PLCB1: variants seen among roughly 807,000 people sequenced by gnomAD.
PLCB1 encodes the protein phospholipase C beta 1, also known as 1-phosphatidylinositol 4,5-bisphosphate phosphodiesterase beta-1.
Under a neutral mutation model 161.8 loss-of-function variants are expected in PLCB1, and 46 were observed. The observed-to-expected ratio is 0.28, with a 90% CI of 0.22 to 0.36. The LOEUF (loss-of-function observed/expected upper bound fraction) is 0.36, where lower values mean the gene tolerates loss of function less well. Among genes scored for constraint, PLCB1 ranks in the 10% least tolerant of loss-of-function variants. The probability of loss-of-function intolerance (pLI) is 1.00; values close to 1 mark genes in which losing one functional copy is unlikely to be tolerated. For missense variants in PLCB1, 1,016 were observed against 1,472.5 expected (o/e 0.69, Z 5.07); for synonymous variants, 517 against 503.7 (o/e 1.03, Z -0.35).
intron 3 of PLCB1, among the ~76,000 whole-genome samples, chr20:8,523,414 G>A (rs1279908913): frequency 6.9e-6 from 1 of 145,596 alleles, no homozygotes; most frequent in African/African-American, 2.6e-5. Flanking sequence ...GTGTGTGTGT[G>A]TGTGTGTGTG....
At chr20:8,806,599 CTG>C (rs1358127941) in intron 31 of PLCB1, among the ~76,000 whole-genome samples, 17 of 152,154 alleles carry the variant, frequency 1.1e-4, no homozygotes, top group African/African-American at 3.9e-4. Flanking sequence ...CCTCTTAAGT[CTG>C]TCTCTTGCCC....
chr20:8,430,896 A>T (rs1478886359), intron 3 of PLCB1, among the ~76,000 whole-genome samples: 1 of 151,954 alleles, frequency 6.6e-6, no homozygotes, highest in Non-Finnish European at 1.5e-5. Flanking sequence ...AGTAGGAGAC[A>T]GCAGTGAGCT....
intron 2 of PLCB1, among the ~76,000 whole-genome samples, chr20:8,230,031 C>T (rs1191695461): frequency 2.5e-5 from 3 of 121,814 alleles, no homozygotes; most frequent in Non-Finnish European, 3.3e-5. Context: ...ACTTCAGCCT[C>T]GGCAACAGAG....
intron 2 of PLCB1, among the ~76,000 whole-genome samples, chr20:8,203,840 C>A (rs532250393): frequency 2.6e-5 from 4 of 152,124 alleles, no homozygotes; most frequent in African/African-American, 9.6e-5. Flanking sequence ...TTGGTACAAC[C>A]CTGAAGCACA....
chr20:8,795,890 A>AAGAAG (rs75896529), intron 31 of PLCB1, among the ~76,000 whole-genome samples: 2 of 139,780 alleles, frequency 1.4e-5, no homozygotes, highest in Non-Finnish European at 3.0e-5. Context: ...AAAAAAAAAA[A>AAGAAG]AAAAGAAAAG....
chr20:8,238,517 AG>A (rs1316770471), intron 2 of PLCB1, among the ~76,000 whole-genome samples: 3 of 151,970 alleles, frequency 2.0e-5, no homozygotes, highest in Non-Finnish European at 4.4e-5. Flanking sequence ...CTATCATGCC[AG>A]ATGTCATATA....
At chr20:8,825,810 G>C (rs1352768107) in intron 31 of PLCB1, among the ~76,000 whole-genome samples, 1 of 152,224 alleles carries the variant, frequency 6.6e-6, no homozygotes, top group Admixed American at 6.5e-5. Context: ...GCAGGCAAGA[G>C]ACTCTGGCAG....
chr20:8,509,237 C>T (rs548928746), intron 3 of PLCB1, among the ~76,000 whole-genome samples: 2 of 152,256 alleles, frequency 1.3e-5, no homozygotes, highest in East Asian at 3.9e-4. Context: ...GAGTGACCCC[C>T]CACAAGTTCC....
chr20:8,610,237 C>T (rs1303393477), intron 3 of PLCB1, among the ~76,000 whole-genome samples: 2 of 152,154 alleles, frequency 1.3e-5, no homozygotes, highest in East Asian at 1.9e-4. Context: ...CAACCTAATA[C>T]CTGGTATGTA....
chr20:8,741,335 A>T, intron 22 of PLCB1, 129 bp from the exon 23 acceptor site: 1 of 623,884 alleles, frequency 1.6e-6, no homozygotes, highest in Non-Finnish European at 2.9e-6. Context: ...GGATGGATGG[A>T]TGGATGGGTG....
intron 2 of PLCB1, among the ~76,000 whole-genome samples, chr20:8,235,254 T>C (rs898075011): frequency 1.3e-5 from 2 of 152,140 alleles, no homozygotes; most frequent in Non-Finnish European, 2.9e-5. Flanking sequence ...TCACATAAAA[T>C]ATTCCATTTC....
chr20:8,464,394 A>G (rs553132799), intron 3 of PLCB1, among the ~76,000 whole-genome samples: 1 of 152,142 alleles, frequency 6.6e-6, no homozygotes, highest in African/African-American at 2.4e-5. Flanking sequence ...CCTTTTCTCA[A>G]TAGACTTTTC....
intron 14 of PLCB1, 146 bp from the exon 15 acceptor site, chr20:8,722,208 A>G (rs1277872863): frequency 3.6e-6 from 2 of 559,328 alleles, no homozygotes; most frequent in Admixed American, 4.0e-5. Context: ...ATAACGAATA[A>G]AATTTAAATC....
chr20:8,692,016 A>G (rs1450601744), intron 10 of PLCB1, among the ~76,000 whole-genome samples: 1 of 152,152 alleles, frequency 6.6e-6, no homozygotes, highest in Middle Eastern at 3.4e-3. Context: ...ACCTTCCCAT[A>G]CTCCCAACTA....
At chr20:8,248,909 T>C (rs1385840430) in intron 2 of PLCB1, 1 of 151,916 alleles carries the variant, frequency 6.6e-6, no homozygotes, top group Non-Finnish European at 1.5e-5. Context: ...ATAGGACTAT[T>C]CCTCCTAAAT....
chr20:8,517,506 G>A (rs564883910), intron 3 of PLCB1, among the ~76,000 whole-genome samples: 1 of 152,286 alleles, frequency 6.6e-6, no homozygotes, highest in South Asian at 2.1e-4. Flanking sequence ...CCCAGTGGCA[G>A]TGGGCTGGGC....
intron 3 of PLCB1, among the ~76,000 whole-genome samples, chr20:8,403,961 A>G (rs1356107252): frequency 3.9e-5 from 6 of 152,226 alleles, no homozygotes; most frequent in Admixed American, 1.3e-4. Flanking sequence ...TGATTTGTCT[A>G]TAATGTCCTT....
chr20:8,250,494 C>A (rs945187108), intron 2 of PLCB1, among the ~76,000 whole-genome samples: 2 of 151,864 alleles, frequency 1.3e-5, no homozygotes, highest in African/African-American at 4.8e-5. Flanking sequence ...GAGTTAGATA[C>A]CCTTCATCAT....
chr20:8,500,329 C>G (rs1983353467), intron 3 of PLCB1, among the ~76,000 whole-genome samples: 1 of 152,086 alleles, frequency 6.6e-6, no homozygotes, highest in Admixed American at 6.6e-5. Flanking sequence ...CAGCCAATAC[C>G]ACATACATTT....
Sources: allele counts gnomAD v4.1 joint callset (sites outside exome capture counted in the v4.1 genomes callset), GRCh38; gene constraint gnomAD v4.1.1; transcripts MANE v1.5; gene names NCBI Gene and HGNC (gene_info 2026-07-23, HGNC 2026-07-21).